Variants in SOS1 observed in about 807,000 individuals in gnomAD.
The protein encoded by SOS1 is SOS Ras/Rac guanine nucleotide exchange factor 1, also known as son of sevenless homolog 1.
A neutral mutation model predicts 157.6 loss-of-function variants in SOS1; 25 were observed. The observed-to-expected ratio is 0.16, with a 90% confidence interval of 0.12 to 0.22. The LOEUF (loss-of-function observed/expected upper bound fraction) is 0.22. Among genes scored for constraint, SOS1 ranks in the 10% least tolerant of loss-of-function variants. The probability of loss-of-function intolerance (pLI) is 1.00; values close to 1 mark genes in which losing one functional copy is unlikely to be tolerated. For synonymous variants in SOS1, 528 were observed against 534.0 expected, an observed-to-expected ratio of 0.99 and a Z score of 0.16; for missense variants, 1,237 against 1,599.1, an observed-to-expected ratio of 0.77 and a Z score of 3.86.
At chr2:39,035,178 A>C in intron 8 of SOS1, 34 bp downstream of exon 8, 1 of 1,451,354 alleles carries the variant, frequency 6.9e-7, no homozygotes, top group Non-Finnish European at 9.6e-7. Flanking sequence ...TCACACTTGA[A>C]TATGTTACAA....
chr2:39,109,219 T>A (rs959966715), intron 1 of SOS1, among the ~76,000 whole-genome samples: 3 of 152,008 alleles, frequency 2.0e-5, no homozygotes, highest in Non-Finnish European at 4.4e-5. Context: ...AATAATAAAA[T>A]GAAATAAAAT....
rs781621330 is a variant in SOS1 at position 38,986,246 on chromosome 2, G to A, written c.3580C>T (p.Pro1194Ser). Reference protein sequence around the residue: ...PRQPTSKAYSPRYSISDRTSI... With the variant: ...PRQPTSKAYSSRYSISDRTSI... ...GTCCGGTCTGATATTGAATATCGTG[G>A]TGAATAGGCTTTTGATGTGGGTTGC... is the stretch of plus-strand genomic sequence containing the variant. The change falls in exon 23 of 23, where the codon CCA (proline) becomes TCA (serine). Residue 1194 changes from proline (P) to serine (S), a missense_variant. Pro to Ser is a moderately conservative substitution (Grantham distance 74). Transcript: ENST00000402219. The A allele has an allele frequency of 2.5e-6, 4 of 1,613,826 alleles. No individual in the cohort carries two copies. In the South Asian group the frequency reaches 3.3e-5, roughly 13 times the overall value.
In SOS1 at chr2:39,021,342, C is replaced by G. The variant is rs182405985; in HGVS notation, c.1858+1228G>C. On this transcript the variant is annotated intron_variant, in intron 10 of 22. Coordinates refer to ENST00000402219, the MANE Select transcript of SOS1 (RefSeq NM_005633.4). ...GACAATAGTTGTAACCATTCTTCAG[C>G]TGCTTATTAATAATCATAAATTAAC... 1.1e-3 allele frequency among the ~76,000 whole-genome samples: 163 copies of G among 151,508 alleles called. 1 individual carries two copies. Among genetic ancestry groups the G allele is most frequent in the African/African-American group, 3.8e-3 (157 of 41,466 alleles).
intron 1 of SOS1, among the ~76,000 whole-genome samples, chr2:39,094,241 G>A (rs1198613029): frequency 6.6e-6 from 1 of 151,754 alleles, no homozygotes; most frequent in Non-Finnish European, 1.5e-5. Flanking sequence ...AAATGTAATG[G>A]GTTCATTATT....
chr2:38,985,769 C>G lies in SOS1; in HGVS notation c.*55G>C. 6.2e-7 allele frequency: 1 copy of G among 1,605,930 alleles called. No individual in the cohort carries two copies. Among genetic ancestry groups the G allele is most frequent in the Non-Finnish European group, 8.5e-7 (1 of 1,173,724 alleles). On this transcript the variant is annotated 3_prime_UTR_variant, in exon 23 of 23. Coordinates refer to ENST00000402219, the MANE Select transcript of SOS1 (RefSeq NM_005633.4). Reference sequence around the variant, plus strand: ...TCAGTGCTGGCACATTCAGTGCATCCATTGCCAGCAATGGATTTGGGGCTA... The same window carrying G: ...TCAGTGCTGGCACATTCAGTGCATCGATTGCCAGCAATGGATTTGGGGCTA...
intron 1 of SOS1, among the ~76,000 whole-genome samples, chr2:39,099,533 T>C (rs1288339627): frequency 6.6e-6 from 1 of 152,326 alleles, no homozygotes; most frequent in East Asian, 1.9e-4. Flanking sequence ...CACAGCTCTG[T>C]AAATATACTA....
chr2:39,025,457 C>T (rs1669926000), intron 8 of SOS1, among the ~76,000 whole-genome samples: 1 of 151,682 alleles, frequency 6.6e-6, no homozygotes, highest in South Asian at 2.1e-4. Context: ...TCAAGTAGTT[C>T]TCCTGCCTCA....
At chr2:39,055,005 G>GTGA (rs968050800) in intron 4 of SOS1, among the ~76,000 whole-genome samples, 182 bp from the exon 5 acceptor site, 2 of 152,144 alleles carry the variant, frequency 1.3e-5, no homozygotes, top group Non-Finnish European at 2.9e-5. Flanking sequence ...AATTCAACAT[G>GTGA]TGATATAACT....
At chr2:39,026,046 T>G (rs530484877) in intron 8 of SOS1, among the ~76,000 whole-genome samples, 2 of 152,318 alleles carry the variant, frequency 1.3e-5, no homozygotes, top group African/African-American at 2.4e-5. Context: ...ATTTTCAGTC[T>G]TAACTGTGTT....
chr2:39,108,343 G>C (rs1044052112), intron 1 of SOS1, among the ~76,000 whole-genome samples: 12 of 152,114 alleles, frequency 7.9e-5, no homozygotes, highest in African/African-American at 2.7e-4. Flanking sequence ...ATGTGTGTCA[G>C]TTCCCTGCTT....
intron 1 of SOS1, among the ~76,000 whole-genome samples, chr2:39,105,954 C>T (rs1028305438): frequency 6.6e-6 from 1 of 152,106 alleles, no homozygotes; most frequent in African/African-American, 2.4e-5. Context: ...TGATAGCTCA[C>T]ACCTGTAATC....
At chr2:39,107,674 A>AC (rs71973386) in intron 1 of SOS1, among the ~76,000 whole-genome samples, 2,643 of 152,032 alleles carry the variant, frequency 0.017, 94 homozygotes, top group African/African-American at 0.061. Flanking sequence ...AAAAAAAAAA[A>AC]AAAAAAACCT....
chr2:39,100,173 T>C (rs1368076062), intron 1 of SOS1, among the ~76,000 whole-genome samples: 1 of 152,142 alleles, frequency 6.6e-6, no homozygotes, highest in Admixed American at 6.5e-5. Flanking sequence ...ATAACAAGTG[T>C]TGGTGAGGGT....
intron 3 of SOS1, among the ~76,000 whole-genome samples, chr2:39,057,565 A>G (rs1182277290): frequency 5.3e-5 from 8 of 152,124 alleles, no homozygotes; most frequent in Admixed American, 5.2e-4. Flanking sequence ...AATTGGAGAC[A>G]GGCTGCATTT....
At chr2:38,995,038 CAAA>C in intron 20 of SOS1, 82 bp downstream of exon 20, 1 of 1,192,830 alleles carries the variant, frequency 8.4e-7, no homozygotes, top group South Asian at 1.2e-5. Flanking sequence ...TTCACACATA[CAAA>C]AAAATAACAG....
At chr2:39,080,184 G>A (rs897126858) in intron 1 of SOS1, among the ~76,000 whole-genome samples, 1 of 151,762 alleles carries the variant, frequency 6.6e-6, no homozygotes, top group Admixed American at 6.6e-5. Context: ...GGTCCCATAT[G>A]GGGGGGAATG....
chr2:39,004,146 T>A (rs956233597), intron 17 of SOS1, among the ~76,000 whole-genome samples: 2 of 152,096 alleles, frequency 1.3e-5, no homozygotes, highest in Non-Finnish European at 2.9e-5. Flanking sequence ...CCGGGTGCGG[T>A]GGCTCAAGCC....
At chr2:39,116,531 G>A (rs1346018353) in intron 1 of SOS1, among the ~76,000 whole-genome samples, 2 of 152,072 alleles carry the variant, frequency 1.3e-5, no homozygotes, top group African/African-American at 2.4e-5. Flanking sequence ...CCATTCTATG[G>A]CCAAAGTGAA....
rs781204774 is a variant in SOS1 at position 39,120,323 on chromosome 2, G to T, written c.87+13C>A. 20 of 1,568,112 alleles carry T rather than the reference G, an allele frequency of 1.3e-5. No individual in the cohort carries two copies. In the South Asian group the frequency reaches 2.3e-4, roughly 18 times the overall value. The stretch of plus-strand genomic sequence containing the variant: ...GGCTGCGGCCGGGAAGCGGGGTCCC[G>T]CGTGCTCCTCACCTTTTTCAGCGCA... On this transcript the variant is annotated intron_variant, in intron 1 of 22. Transcript: ENST00000402219.
Sources: gnomAD v4.1 joint callset for allele counts (sites outside exome capture counted in the v4.1 genomes callset) on GRCh38, gnomAD v4.1.1 for gene constraint, MANE v1.5 for transcripts, NCBI Gene and HGNC (gene_info 2026-07-23, HGNC 2026-07-21) for gene names.